PTPN12: variants seen among roughly 807,000 people sequenced by gnomAD.
PTPN12 encodes tyrosine-protein phosphatase non-receptor type 12.
A neutral mutation model predicts 97.6 loss-of-function variants in PTPN12; 29 were observed. That is an observed-to-expected ratio of 0.30 (90% CI 0.22 to 0.41). The LOEUF (loss-of-function observed/expected upper bound fraction) is 0.41, where lower values mean the gene tolerates loss of function less well. Among genes scored for constraint, PTPN12 ranks in the 10% least tolerant of loss-of-function variants. The probability of loss-of-function intolerance (pLI) is 1.00; values close to 1 mark genes in which losing one functional copy is unlikely to be tolerated. For synonymous variants in PTPN12, 327 were observed against 300.4 expected (o/e 1.09, Z -0.91); for missense variants, 819 against 926.0 (o/e 0.88, Z 1.50).
intron 3 of PTPN12, 76 bp from the exon 4 acceptor site, chr7:77,583,479 G>T: frequency 2.2e-6 from 2 of 915,164 alleles, no homozygotes; most frequent in South Asian, 3.0e-5. Context: ...AATACAATTT[G>T]AAACCTTATA....
At chr7:77,553,441 C>T (rs1446971399) in intron 1 of PTPN12, among the ~76,000 whole-genome samples, 1 of 152,188 alleles carries the variant, frequency 6.6e-6, no homozygotes, top group African/African-American at 2.4e-5. Context: ...GCAGTTCTAT[C>T]AGTTTTGGCT....
chr7:77,567,801 T>A (rs1808322284), intron 1 of PTPN12, among the ~76,000 whole-genome samples: 1 of 152,240 alleles, frequency 6.6e-6, no homozygotes, highest in Non-Finnish European at 1.5e-5. Context: ...CAGTAATTAG[T>A]TCAATAATAA....
At chr7:77,633,303 A>G (rs1382765633) in intron 14 of PTPN12, among the ~76,000 whole-genome samples, 1 of 151,974 alleles carries the variant, frequency 6.6e-6, no homozygotes, top group African/African-American at 2.4e-5. Context: ...TGTATTTGCA[A>G]TCTGGTGTAT....
In PTPN12 at chr7:77,596,180, CT is replaced by C. The variant is rs1240357712; in HGVS notation, c.493-1654del. On this transcript the variant is annotated intron_variant, in intron 6 of 17. Coordinates refer to ENST00000248594, the MANE Select transcript of PTPN12 (RefSeq NM_002835.4). ...GATGCTTAAGTAATTCGTTTAGACA[CT>C]TTTTTTTAGGTATAAGTAAAACTTA... Among the ~76,000 whole-genome samples, 8 of 151,874 alleles carry C rather than the reference CT, an allele frequency of 5.3e-5. No homozygotes were observed. In the South Asian group the frequency reaches 8.3e-4, roughly 16 times the overall value.
chr7:77,572,098 C>CTTT (rs35269832), intron 2 of PTPN12, among the ~76,000 whole-genome samples: 2 of 133,330 alleles, frequency 1.5e-5, no homozygotes, highest in African/African-American at 2.9e-5. Flanking sequence ...TTCTTGGTGA[C>CTTT]TTTTTTTTTT....
intron 9 of PTPN12, among the ~76,000 whole-genome samples, chr7:77,608,308 G>A (rs1788445219): frequency 6.6e-6 from 1 of 152,214 alleles, no homozygotes; most frequent in Non-Finnish European, 1.5e-5. Flanking sequence ...CTTTTGTGAA[G>A]TTCTTCAGAA....
At chr7:77,620,920 C>T (rs1050881256) in intron 12 of PTPN12, among the ~76,000 whole-genome samples, 1 of 151,694 alleles carries the variant, frequency 6.6e-6, no homozygotes, top group East Asian at 1.9e-4. Flanking sequence ...TGCACTCCAG[C>T]CTGGGTGAAA....
intron 6 of PTPN12, among the ~76,000 whole-genome samples, chr7:77,594,166 T>C (rs541957371): frequency 6.6e-6 from 1 of 152,120 alleles, no homozygotes; most frequent in Non-Finnish European, 1.5e-5. Context: ...GTGGGGTAAA[T>C]GTAAAAATTT....
intron 5 of PTPN12, among the ~76,000 whole-genome samples, chr7:77,586,892 G>T (rs1407310071): frequency 1.3e-5 from 2 of 152,180 alleles, no homozygotes; most frequent in Non-Finnish European, 2.9e-5. Flanking sequence ...TCCGTAAGAA[G>T]CAACTCCTCA....
chr7:77,602,620 T>TTA (rs1554320601), intron 8 of PTPN12, among the ~76,000 whole-genome samples: 1 of 143,480 alleles, frequency 7.0e-6, no homozygotes, highest in African/African-American at 2.6e-5. Context: ...CCCTATCTTT[T>TTA]AAAAAAAAAA....
chr7:77,611,407 G>A lies in PTPN12; in HGVS notation c.939+361G>A, dbSNP rs776990700. On this transcript the variant is annotated intron_variant, in intron 11 of 17. Coordinates refer to ENST00000248594, the MANE Select transcript of PTPN12 (RefSeq NM_002835.4). ...ATTGATTCTACTTGAATTTCATTTTGTATAAAGTGTTTTAGTTATTTGTGT... is the reference window on the plus strand; with the variant it reads ...ATTGATTCTACTTGAATTTCATTTTATATAAAGTGTTTTAGTTATTTGTGT... Among the ~76,000 whole-genome samples, 9 of 151,800 alleles carry A rather than the reference G, an allele frequency of 5.9e-5. No homozygotes were observed. In the South Asian group the frequency reaches 6.2e-4, roughly 11 times the overall value.
chr7:77,639,309 A>G lies in PTPN12; in HGVS notation c.*29A>G. 3.8e-6 allele frequency: 6 copies of G among 1,578,314 alleles called. No homozygotes were observed. The highest frequency in any genetic ancestry group is 4.3e-6 in the Non-Finnish European group (5 of 1,151,640). Reference sequence around the variant, plus strand: ...AGGGAGCTAGAAGACACTTTAAGTTATACTGGAAAATTCAGGTGCCACTGA... The same window carrying G: ...AGGGAGCTAGAAGACACTTTAAGTTGTACTGGAAAATTCAGGTGCCACTGA... On this transcript the variant is annotated 3_prime_UTR_variant, in exon 18 of 18. Coordinates refer to ENST00000248594, the MANE Select transcript of PTPN12 (RefSeq NM_002835.4).
At chr7:77,601,269 TA>T (rs1788179553) in intron 8 of PTPN12, among the ~76,000 whole-genome samples, 1 of 152,296 alleles carries the variant, frequency 6.6e-6, no homozygotes, top group African/African-American at 2.4e-5. Context: ...TAGCTTACTG[TA>T]AACTCAAACT....
In PTPN12 at chr7:77,610,965, T is replaced by C. The variant is rs1455308492; in HGVS notation, c.858T>C (p.Val286=). 2 of 1,612,378 alleles carry C rather than the reference T, an allele frequency of 1.2e-6. No homozygotes were observed. The highest frequency in any genetic ancestry group is 1.7e-6 in the Non-Finnish European group (2 of 1,179,322). ...AVQTKEQYEL[V]HRAIAQLFEK... Reference sequence around the variant, plus strand: ...CTTCATAGGAGCAATATGAACTTGTTCATAGAGCTATTGCCCAACTGTTTG... The same window carrying C: ...CTTCATAGGAGCAATATGAACTTGTCCATAGAGCTATTGCCCAACTGTTTG... The change falls in exon 11 of 18, where the codon GTT becomes GTC. Residue 286 remains valine (V), a synonymous_variant. Coordinates refer to ENST00000248594, the MANE Select transcript of PTPN12 (RefSeq NM_002835.4).
chr7:77,625,077 A>G (rs890113830), intron 12 of PTPN12, among the ~76,000 whole-genome samples: 5 of 151,994 alleles, frequency 3.3e-5, no homozygotes, highest in East Asian at 3.9e-4. Context: ...AGAGGTTCCA[A>G]TGAGCCAAGA....
chr7:77,537,392 T>A lies in PTPN12; in HGVS notation c.-155T>A. On this transcript the variant is annotated 5_prime_UTR_variant, in exon 1 of 18. Transcript: ENST00000248594. The stretch of plus-strand genomic sequence containing the variant: ...AGCCGGTGCCGCCGCAGCCGCCGCC[T>A]AGGGCGGTGGGGAGGAGGAGGGAGC... The A allele has an allele frequency of 9.2e-7, 1 of 1,085,938 alleles. No homozygotes were observed. Among genetic ancestry groups the A allele is most frequent in the Non-Finnish European group, 1.2e-6 (1 of 838,408 alleles). The allele number at this position is 1,085,938 out of a possible 1,614,324, so 67.3% of individuals were successfully genotyped here. A position where few individuals can be genotyped will look rare whatever the true frequency, so the allele number is the denominator to read the frequency against.
intron 1 of PTPN12, among the ~76,000 whole-genome samples, chr7:77,553,871 C>T (rs1462621390): frequency 6.6e-6 from 1 of 150,620 alleles, no homozygotes; most frequent in Non-Finnish European, 1.5e-5. Context: ...TTGTCTTCCA[C>T]TGTTTTTCTG....
intron 11 of PTPN12, among the ~76,000 whole-genome samples, chr7:77,617,241 G>T (rs1459723822): frequency 6.6e-6 from 1 of 152,066 alleles, no homozygotes; most frequent in Non-Finnish European, 1.5e-5. Context: ...TCTCAAAAGA[G>T]CCCTGATTTA....
chr7:77,557,194 T>G (rs1807760871), intron 1 of PTPN12, among the ~76,000 whole-genome samples: 1 of 152,168 alleles, frequency 6.6e-6, no homozygotes, highest in African/African-American at 2.4e-5. Context: ...CTCGAACCCC[T>G]GGGCTCAAGA....
Sources: allele counts gnomAD v4.1 joint callset (sites outside exome capture counted in the v4.1 genomes callset), GRCh38; gene constraint gnomAD v4.1.1; transcripts MANE v1.5; gene names NCBI Gene and HGNC (gene_info 2026-07-23, HGNC 2026-07-21).